The following GPLD1 variants were observed in gnomAD, a reference collection of about 807,000 sequenced individuals.
GPLD1 encodes the protein glycosylphosphatidylinositol specific phospholipase D1.
GPLD1 carries 84 observed loss-of-function variants against 112.6 expected under a neutral mutation model. That is an observed-to-expected ratio of 0.75 (90% CI 0.63 to 0.89). The LOEUF (loss-of-function observed/expected upper bound fraction) is 0.89. Among genes scored for constraint, GPLD1 ranks in the 40% least tolerant of loss-of-function variants. The pLI is 0.00. For synonymous variants in GPLD1, 386 were observed against 403.8 expected (o/e 0.96, Z 0.53); for missense variants, 1,044 against 1,051.5 (o/e 0.99, Z 0.10).
chr6:24,471,105 T>C (rs554397888), intron 7 of GPLD1, among the ~76,000 whole-genome samples: 151 of 152,320 alleles, frequency 9.9e-4, no homozygotes, highest in Non-Finnish European at 1.8e-3. Flanking sequence ...AGACTTATTA[T>C]AAAGCTACAG....
In GPLD1 at chr6:24,476,294, C is replaced by A. The variant is rs1764015047; in HGVS notation, c.233-16G>T. On this transcript the variant is annotated splice_polypyrimidine_tract_variant and intron_variant, in intron 3 of 24. Coordinates refer to ENST00000230036, the MANE Select transcript of GPLD1 (RefSeq NM_001503.4). ...TGGAATTTTCCTGACAAAACAAAAGCAGGGCTCTAGATTCTCTCTTAAAAG... is the reference window on the plus strand; with the variant it reads ...TGGAATTTTCCTGACAAAACAAAAGAAGGGCTCTAGATTCTCTCTTAAAAG... The A allele has an allele frequency of 2.2e-6, 3 of 1,333,718 alleles. No individual in the cohort carries two copies. The highest frequency in any genetic ancestry group is 3.2e-6 in the Non-Finnish European group (3 of 946,648). 82.6% of individuals were successfully genotyped at this position (1,333,718 alleles called of 1,614,324 possible). A position where few individuals can be genotyped will look rare whatever the true frequency, so the allele number is the denominator to read the frequency against.
intron 17 of GPLD1, among the ~76,000 whole-genome samples, chr6:24,447,492 G>C (rs1762946133): frequency 1.4e-5 from 2 of 147,988 alleles, no homozygotes; most frequent in Admixed American, 6.9e-5. Context: ...CTCCAGCCTG[G>C]GTGACACAGG....
At position 24,467,265 on chromosome 6, in the gene GPLD1, T is replaced by C. The variant is rs77886247; in HGVS notation, c.555A>G (p.Pro185=). The C allele has an allele frequency of 5.8e-4, 902 of 1,566,370 alleles. 5 individuals are homozygous for C. In the African/African-American group the frequency reaches 0.011, roughly 18 times the overall value. The part of the protein sequence containing the change: ...FNYLARRWYV[P]VKDLLGIYEK... ...CATAAATTCCCAGTAGATCTTTGAC[T>C]GGCACATACCTGAAAAATGCAGAAT... Residue 185 remains proline, a synonymous_variant, in exon 8 of 25, where the codon CCA becomes CCG. Transcript: ENST00000230036.
Position 24,472,588 on chromosome 6 carries a change from C to T in GPLD1, c.539G>A (p.Arg180Gln), listed in dbSNP as rs1188791054. The T allele has an allele frequency of 3.8e-6, 6 of 1,582,616 alleles. No individual in the cohort carries two copies. Among genetic ancestry groups the T allele is most frequent in the South Asian group, 2.2e-5 (2 of 90,478 alleles). Residue 180 changes from arginine (R) to glutamine (Q), a missense_variant, in exon 7 of 25, where the codon CGA (arginine) becomes CAA (glutamine). By Grantham distance (43) the Arg-to-Gln change is conservative. Coordinates refer to ENST00000230036, the MANE Select transcript of GPLD1 (RefSeq NM_001503.4). ...AGATGTACATTGCTCTTACCAGCGT[C>T]GTGCAAGGTAATTAAAATTAAATTC... ...QFEFNFNYLA[R>Q]RWYVPVKDLL... is the part of the protein sequence containing the mutation.
chr6:24,474,970 A>T, intron 5 of GPLD1, 151 bp downstream of exon 5: 1 of 523,454 alleles, frequency 1.9e-6, no homozygotes, highest in Non-Finnish European at 3.4e-6. Context: ...AAAGGAACAA[A>T]TTGGAAAAGA....
intron 3 of GPLD1, among the ~76,000 whole-genome samples, chr6:24,477,034 T>C (rs1764043513): frequency 6.6e-6 from 1 of 151,920 alleles, no homozygotes; most frequent in African/African-American, 2.4e-5. Context: ...TTTTTCAAAA[T>C]GATTTTCAAA....
intron 2 of GPLD1, among the ~76,000 whole-genome samples, chr6:24,480,946 A>C (rs1244882467): frequency 6.6e-6 from 1 of 152,202 alleles, no homozygotes; most frequent in African/African-American, 2.4e-5. Context: ...CTGGCTTCCC[A>C]CGTGTTTATG....
chr6:24,481,713 G>A (rs769246907), intron 2 of GPLD1, among the ~76,000 whole-genome samples: 6 of 152,268 alleles, frequency 3.9e-5, no homozygotes, highest in African/African-American at 7.2e-5. Flanking sequence ...GAGCTCTGAC[G>A]CTGAGTGCTA....
intron 4 of GPLD1, 54 bp downstream of exon 4, chr6:24,476,127 A>G: frequency 1.1e-6 from 1 of 950,700 alleles, no homozygotes. Flanking sequence ...GTGCAAACAC[A>G]GTGCATGGCA....
At chr6:24,455,917 G>C (rs1763249616) in intron 13 of GPLD1, among the ~76,000 whole-genome samples, 1 of 152,168 alleles carries the variant, frequency 6.6e-6, no homozygotes, top group Non-Finnish European at 1.5e-5. Flanking sequence ...GCTCATGCTT[G>C]TAATCCCAGC....
At chr6:24,480,055 T>C in intron 2 of GPLD1, 96 bp from the exon 3 acceptor site, 2 of 762,692 alleles carry the variant, frequency 2.6e-6, no homozygotes, top group South Asian at 1.5e-5. Flanking sequence ...GCTAGAAATA[T>C]GGGGGTATAG....
intron 22 of GPLD1, among the ~76,000 whole-genome samples, chr6:24,435,574 A>G (rs533034387): frequency 7.9e-5 from 12 of 152,088 alleles, no homozygotes; most frequent in African/African-American, 2.9e-4. Context: ...TTTTTAAAAT[A>G]GGTGGGGTAC....
intron 11 of GPLD1, among the ~76,000 whole-genome samples, chr6:24,462,323 A>AG (rs1368597216): frequency 6.6e-6 from 1 of 151,908 alleles, no homozygotes; most frequent in Non-Finnish European, 1.5e-5. Flanking sequence ...TTGTAGATAT[A>AG]GGGGTCTCAC....
chr6:24,480,077 G>A, intron 2 of GPLD1, 118 bp from the exon 3 acceptor site: 3 of 645,590 alleles, frequency 4.6e-6, no homozygotes, highest in African/African-American at 1.8e-5. Context: ...TGGAATGAAA[G>A]GGAAAAAGGA....
intron 14 of GPLD1, among the ~76,000 whole-genome samples, chr6:24,453,724 A>G (rs1214054829): frequency 9.3e-6 from 1 of 107,344 alleles, no homozygotes. Flanking sequence ...GTGTGTGTGT[A>G]TAAAGAGGTT....
rs1762297944 is a variant in GPLD1 at position 24,428,186 on chromosome 6, GCTTT to G, written c.*842_*845del. On this transcript the variant is annotated 3_prime_UTR_variant, in exon 25 of 25. Transcript: ENST00000230036. ...TTTTTTTTTTTTTTCTGTATACTAT[GCTTT>G]CTATTATACTTTGATTGGCATGGGC... 2.5e-5 allele frequency: 3 copies of G among 121,234 alleles called. No individual in the cohort carries two copies. Among genetic ancestry groups the G allele is most frequent in the Non-Finnish European group, 3.4e-5 (2 of 59,592 alleles). 7.5% of individuals were successfully genotyped at this position (121,234 alleles called of 1,614,324 possible).
At chr6:24,481,594 G>C (rs1477563690) in intron 2 of GPLD1, among the ~76,000 whole-genome samples, 2 of 152,146 alleles carry the variant, frequency 1.3e-5, no homozygotes, top group Non-Finnish European at 2.9e-5. Context: ...CCTCACCACA[G>C]AGTTTGGCTC....
intron 21 of GPLD1, 66 bp from the exon 22 acceptor site, chr6:24,436,802 G>A (rs978868615): frequency 3.3e-5 from 50 of 1,515,038 alleles, no homozygotes; most frequent in Admixed American, 2.9e-4. Flanking sequence ...TCCTTGTTCC[G>A]CTACTGGATC....
intron 7 of GPLD1, among the ~76,000 whole-genome samples, chr6:24,469,786 A>AC (rs1161668348): frequency 6.6e-6 from 1 of 151,966 alleles, no homozygotes; most frequent in Non-Finnish European, 1.5e-5. Flanking sequence ...AATAAAAAAA[A>AC]AATCCTCAGA....
Sources: gnomAD v4.1 joint callset for allele counts (sites outside exome capture counted in the v4.1 genomes callset) on GRCh38, gnomAD v4.1.1 for gene constraint, MANE v1.5 for transcripts, NCBI Gene and HGNC (gene_info 2026-07-23, HGNC 2026-07-21) for gene names.